The following GXYLT2 variants were observed in gnomAD, a reference collection of about 807,000 sequenced individuals.
The protein encoded by GXYLT2 is glycosyltransferase 8 domain containing 4.
In GXYLT2, 53 loss-of-function variants were observed where a neutral mutation model predicts 45.8. That is an observed-to-expected ratio of 1.16 (90% CI 0.93 to 1.46). The LOEUF (loss-of-function observed/expected upper bound fraction) is 1.46. Among genes scored for constraint, GXYLT2 ranks in the 40% most tolerant of loss-of-function variants. The pLI, the probability that GXYLT2 is intolerant of heterozygous loss-of-function variation, is 0.00. For missense variants in GXYLT2, 551 were observed against 544.4 expected (o/e 1.01, Z -0.12); for synonymous variants, 219 against 214.2 (o/e 1.02, Z -0.19).
At chr3:72,973,422 A>G (rs1339834060) in intron 6 of GXYLT2, among the ~76,000 whole-genome samples, 1 of 152,122 alleles carries the variant, frequency 6.6e-6, no homozygotes, top group Non-Finnish European at 1.5e-5. Flanking sequence ...GTCACCTTGA[A>G]CCTTTAGAAC....
At chr3:72,915,950 TC>T (rs1709733836) in intron 2 of GXYLT2, among the ~76,000 whole-genome samples, 1 of 152,050 alleles carries the variant, frequency 6.6e-6, no homozygotes, top group African/African-American at 2.4e-5. Flanking sequence ...CACTTCACTG[TC>T]CCTGTGTGGT....
intron 1 of GXYLT2, among the ~76,000 whole-genome samples, chr3:72,895,723 C>G (rs1709275360): frequency 6.6e-6 from 1 of 152,180 alleles, no homozygotes; most frequent in Non-Finnish European, 1.5e-5. Context: ...TATTCCCCAG[C>G]ATTTATTTCA....
chr3:72,967,533 CT>C lies in GXYLT2; in HGVS notation c.977-9del. The C allele has an allele frequency of 6.2e-7, 1 of 1,609,890 alleles. No homozygotes were observed. ...TAACCGTGGACATATATGTCTTTCTCTTTTTACCACCAGAGTGTCTCTATGT... is the reference window on the plus strand; with the variant it reads ...TAACCGTGGACATATATGTCTTTCTCTTTTACCACCAGAGTGTCTCTATGT... On this transcript the variant is annotated splice_polypyrimidine_tract_variant and intron_variant, in intron 5 of 6. Transcript: ENST00000389617.
rs1378600593 is a variant in GXYLT2 at position 72,952,483 on chromosome 3, C to T, written c.601-2615C>T. 2.6e-5 allele frequency among the ~76,000 whole-genome samples: 4 copies of T among 152,128 alleles called. No individual in the cohort carries two copies. In the East Asian group the frequency reaches 7.7e-4, roughly 29 times the overall value. On this transcript the variant is annotated intron_variant, in intron 3 of 6. Transcript: ENST00000389617. Reference sequence around the variant, plus strand: ...TTCCTTTGATACTTGTATCGTGTAGCACCCATGTTCATCAGTTTTAAATAT... The same window carrying T: ...TTCCTTTGATACTTGTATCGTGTAGTACCCATGTTCATCAGTTTTAAATAT...
chr3:72,936,236 G>C (rs533498491), intron 3 of GXYLT2, among the ~76,000 whole-genome samples: 1 of 150,726 alleles, frequency 6.6e-6, no homozygotes, highest in Non-Finnish European at 1.5e-5. Flanking sequence ...AGGTTGCAGT[G>C]AGCCAAGATT....
intron 3 of GXYLT2, among the ~76,000 whole-genome samples, chr3:72,940,768 A>G (rs1353363783): frequency 5.3e-5 from 8 of 151,914 alleles, no homozygotes; most frequent in Admixed American, 5.2e-4. Flanking sequence ...TGCAGCCTCC[A>G]CCTCCTGAGC....
intron 1 of GXYLT2, among the ~76,000 whole-genome samples, chr3:72,891,320 C>T (rs1471482233): frequency 1.3e-5 from 2 of 152,122 alleles, no homozygotes; most frequent in African/African-American, 2.4e-5. Context: ...TGTGCTGCCT[C>T]GCCTCCCACA....
chr3:72,914,458 A>G (rs1375688503), intron 2 of GXYLT2, among the ~76,000 whole-genome samples: 1 of 151,998 alleles, frequency 6.6e-6, no homozygotes, highest in Non-Finnish European at 1.5e-5. Context: ...GGAGGCTACC[A>G]ATCCATTCTG....
At chr3:72,960,515 A>C (rs1455442505) in intron 5 of GXYLT2, among the ~76,000 whole-genome samples, 1 of 152,228 alleles carries the variant, frequency 6.6e-6, no homozygotes, top group Admixed American at 6.5e-5. Flanking sequence ...CATTGAGTAA[A>C]ACAGGATATT....
chr3:72,928,930 G>GCCGC (rs1709970617), intron 3 of GXYLT2: 5 of 719,232 alleles, frequency 7.0e-6, no homozygotes, highest in Non-Finnish European at 1.2e-5. Context: ...ATCCCGGCCG[G>GCCGC]CCGCCCATAG....
At chr3:72,929,773 A>G (rs1709991571) in intron 3 of GXYLT2, among the ~76,000 whole-genome samples, 1 of 152,258 alleles carries the variant, frequency 6.6e-6, no homozygotes, top group African/African-American at 2.4e-5. Context: ...AACAACAAAA[A>G]TATTAGACAT....
intron 2 of GXYLT2, among the ~76,000 whole-genome samples, chr3:72,915,572 C>G (rs954739666): frequency 6.6e-5 from 10 of 152,030 alleles, no homozygotes; most frequent in Non-Finnish European, 1.5e-4. Flanking sequence ...GCGGGTGGCT[C>G]ACGCCTGTAA....
chr3:72,959,528 T>G (rs1385144726), intron 5 of GXYLT2, among the ~76,000 whole-genome samples: 3 of 152,204 alleles, frequency 2.0e-5, no homozygotes, highest in African/African-American at 7.2e-5. Context: ...CCCAAAGTGC[T>G]GGGATTTCAG....
At chr3:72,950,458 C>T (rs1311049002) in intron 3 of GXYLT2, among the ~76,000 whole-genome samples, 1 of 151,886 alleles carries the variant, frequency 6.6e-6, no homozygotes, top group Non-Finnish European at 1.5e-5. Context: ...GAGACTTCAT[C>T]TCAAAAAAAG....
intron 3 of GXYLT2, among the ~76,000 whole-genome samples, chr3:72,945,815 A>G (rs1575805955): frequency 6.6e-6 from 1 of 152,194 alleles, no homozygotes; most frequent in African/African-American, 2.4e-5. Context: ...ATTCACCTAC[A>G]TCAGCAGATA....
At chr3:72,888,566 C>A in intron 1 of GXYLT2, 58 bp downstream of exon 1, 5 of 1,076,346 alleles carry the variant, frequency 4.6e-6, no homozygotes, top group South Asian at 4.3e-5. Flanking sequence ...TCCCTACACC[C>A]GTGCCAAGTC....
In GXYLT2 at chr3:72,889,896, G is replaced by T. The variant is rs868479088; in HGVS notation, c.275+1388G>T. The stretch of plus-strand genomic sequence containing the variant: ...CCCCCCCACCGCTGTTTTTCTTTTG[G>T]TTTTTTTTTTGTTTTTTTTTTTTTT... On this transcript the variant is annotated intron_variant, in intron 1 of 6. Transcript: ENST00000389617. 9.4e-4 allele frequency among the ~76,000 whole-genome samples: 128 copies of T among 135,528 alleles called. 1 individual carries two copies. The highest frequency in any genetic ancestry group is 7.5e-3 in the Middle Eastern group (2 of 266). 88.9% of individuals were successfully genotyped at this position (135,528 alleles called of 152,430 possible). A position where few individuals can be genotyped will look rare whatever the true frequency, so the allele number is the denominator to read the frequency against.
intron 6 of GXYLT2, among the ~76,000 whole-genome samples, chr3:72,970,122 A>G (rs1710959188): frequency 6.6e-6 from 1 of 152,056 alleles, no homozygotes; most frequent in Non-Finnish European, 1.5e-5. Context: ...AGGCTGAGAC[A>G]GGCAGATCAC....
chr3:72,910,052 A>G (rs1380462840), intron 2 of GXYLT2, among the ~76,000 whole-genome samples: 1 of 152,188 alleles, frequency 6.6e-6, no homozygotes, highest in African/African-American at 2.4e-5. Flanking sequence ...CTTGTAAAGG[A>G]TCTGAATCAG....
Sources: gnomAD v4.1 joint callset for allele counts (sites outside exome capture counted in the v4.1 genomes callset) on GRCh38, gnomAD v4.1.1 for gene constraint, MANE v1.5 for transcripts, NCBI Gene and HGNC (gene_info 2026-07-23, HGNC 2026-07-21) for gene names.